Variants in CACNA1I observed in about 807,000 individuals in gnomAD.
CACNA1I encodes calcium voltage-gated channel subunit alpha1 I.
Under a neutral mutation model 201.6 loss-of-function variants are expected in CACNA1I, and 74 were observed. That is an observed-to-expected ratio of 0.37 (90% CI 0.30 to 0.45). CACNA1I has a LOEUF of 0.45. Ranked by LOEUF, CACNA1I falls within the 20% of genes least tolerant of loss-of-function variation. CACNA1I has a pLI of 1.00. For synonymous variants in CACNA1I, 1,431 were observed against 1,345.2 expected (o/e 1.06, Z -1.40); for missense variants, 2,346 against 3,138.1 (o/e 0.75, Z 6.03).
At chr22:39,606,692 C>T (rs1413917828) in intron 3 of CACNA1I, among the ~76,000 whole-genome samples, 6 of 152,158 alleles carry the variant, frequency 3.9e-5, no homozygotes, top group Admixed American at 6.5e-5. Flanking sequence ...GCCGCCATGC[C>T]GGCTAAGTTT....
At chr22:39,672,871 C>G in intron 27 of CACNA1I, 78 bp from the exon 28 acceptor site, 1 of 1,472,736 alleles carries the variant, frequency 6.8e-7, no homozygotes, top group Non-Finnish European at 9.2e-7. Context: ...ACCTGGGAGG[C>G]TCCCCCCACT....
intron 3 of CACNA1I, among the ~76,000 whole-genome samples, chr22:39,619,086 C>G (rs1050843454): frequency 6.6e-6 from 1 of 152,196 alleles, no homozygotes; most frequent in Non-Finnish European, 1.5e-5. Flanking sequence ...CCTTCATGCT[C>G]TAAGCCCTTG....
At chr22:39,620,957 C>T (rs1445721567) in intron 4 of CACNA1I, among the ~76,000 whole-genome samples, 2 of 152,064 alleles carry the variant, frequency 1.3e-5, no homozygotes, top group Middle Eastern at 3.2e-3. Flanking sequence ...GAGGTTTCAC[C>T]ATATTGGTCA....
Position 39,679,112 on chromosome 22 carries a change from G to A in CACNA1I, c.5061G>A (p.Thr1687=), listed in dbSNP as rs571761057. The change falls in exon 32 of 37, where the codon ACG becomes ACA. Residue 1687 remains threonine (T), a synonymous_variant. Coordinates refer to ENST00000402142, the MANE Select transcript of CACNA1I (RefSeq NM_021096.4). ...GDNWNGIMKD[T]LRDCTHDERS... The stretch of plus-strand genomic sequence containing the variant: ...CCGCCCTCCCTGCCACGCAGGACAC[G>A]CTGCGGGACTGCACCCACGACGAGC... 6.3e-6 allele frequency: 10 copies of A among 1,585,040 alleles called. No homozygotes were observed. Among genetic ancestry groups the A allele is most frequent in the Middle Eastern group, 1.7e-4 (1 of 6,028 alleles).
Position 39,662,443 on chromosome 22 carries a change from G to T in CACNA1I, c.3372+8G>T. ...GAGGAGGAAATCGACTACGTGAGTG[G>T]GGGCGGGGCCGAAGGGGACCTGGTG... On this transcript the variant is annotated splice_region_variant and intron_variant, in intron 17 of 36. Coordinates refer to ENST00000402142, the MANE Select transcript of CACNA1I (RefSeq NM_021096.4). 1 of 1,426,188 alleles carries T rather than the reference G, an allele frequency of 7.0e-7. No homozygotes were observed. Among genetic ancestry groups the T allele is most frequent in the South Asian group, 1.5e-5 (1 of 66,870 alleles). 88.3% of individuals were successfully genotyped at this position (1,426,188 alleles called of 1,614,324 possible). A position where few individuals can be genotyped will look rare whatever the true frequency, so the allele number is the denominator to read the frequency against.
rs1935953040 is a variant in CACNA1I, at chr22:39,688,655, G to A, written c.*2250G>A. The A allele has an allele frequency of 6.6e-6, 1 of 152,286 alleles. No individual in the cohort carries two copies. The allele number at this position is 152,286 out of a possible 1,614,324, so 9.4% of individuals were successfully genotyped here. A position where few individuals can be genotyped will look rare whatever the true frequency, so the allele number is the denominator to read the frequency against. On this transcript the variant is annotated 3_prime_UTR_variant, in exon 37 of 37. Coordinates refer to ENST00000402142, the MANE Select transcript of CACNA1I (RefSeq NM_021096.4). The surrounding 1 kb of genome is among the most constrained non-coding windows in gnomAD (Gnocchi z 4.8). ...GGTCATCTTGCGACTCCACTGAGCAGCCTTTCCTGTTGTCACATGGGTTCA... is the reference window on the plus strand; with the variant it reads ...GGTCATCTTGCGACTCCACTGAGCAACCTTTCCTGTTGTCACATGGGTTCA...
Position 39,629,344 on chromosome 22 carries a change from G to A in CACNA1I, c.581-5221G>A, listed in dbSNP as rs183769177. ...TGGAGCCCCACCCCCGCTGAAGGCC[G>A]CTCTGTGGCTCCAGGCCCCAAACCT... is the stretch of plus-strand genomic sequence containing the variant. On this transcript the variant is annotated intron_variant, in intron 4 of 36. Coordinates refer to ENST00000402142, the MANE Select transcript of CACNA1I (RefSeq NM_021096.4). This position sits in a 1 kb window ranked among gnomAD's most constrained non-coding sequence, Gnocchi z 4.8. Among the ~76,000 whole-genome samples, 32 of 152,148 alleles carry A rather than the reference G, an allele frequency of 2.1e-4. No homozygotes were observed. Among genetic ancestry groups the A allele is most frequent in the African/African-American group, 7.0e-4 (29 of 41,508 alleles).
chr22:39,644,393 G>A (rs924028858), intron 7 of CACNA1I, among the ~76,000 whole-genome samples: 6 of 152,232 alleles, frequency 3.9e-5, no homozygotes, highest in African/African-American at 1.4e-4. Flanking sequence ...AGAGCCTGAA[G>A]CCTGCATGTC....
Position 39,662,281 on chromosome 22 carries a change from C to T in CACNA1I, c.3218C>T (p.Ala1073Val). 2 of 1,515,154 alleles carry T rather than the reference C, an allele frequency of 1.3e-6. No individual in the cohort carries two copies. Among genetic ancestry groups the T allele is most frequent in the Non-Finnish European group, 1.8e-6 (2 of 1,136,908 alleles). The allele number at this position is 1,515,154 out of a possible 1,614,324, so 93.9% of individuals were successfully genotyped here. A position where few individuals can be genotyped will look rare whatever the true frequency, so the allele number is the denominator to read the frequency against. The change falls in exon 17 of 37, where the codon GCG (alanine) becomes GTG (valine). Residue 1073 changes from alanine (A) to valine (V), a missense_variant. This residue lies in a region of CACNA1I where 288 missense variants were observed against 255.2 expected (regional missense o/e 1.13). Coordinates refer to ENST00000402142, the MANE Select transcript of CACNA1I (RefSeq NM_021096.4). ...GTGGACCTGGCCGAGCTGGTGCCCG[C>T]GGTGGGCGCCCACCCCCGGGCCGCC... is the stretch of plus-strand genomic sequence containing the variant. ...DSVDLAELVP[A>V]VGAHPRAAWR... is the part of the protein sequence containing the mutation.
At chr22:39,615,415 G>A (rs1485210717) in intron 3 of CACNA1I, among the ~76,000 whole-genome samples, 5 of 152,160 alleles carry the variant, frequency 3.3e-5, no homozygotes, top group African/African-American at 1.2e-4. Flanking sequence ...AGGAAGCAAG[G>A]GGCAGGAGGG....
chr22:39,643,051 A>G lies in CACNA1I; in HGVS notation c.1149+162A>G, dbSNP rs76732944. 5.6e-3 allele frequency among the ~76,000 whole-genome samples: 856 copies of G among 152,276 alleles called. 4 individuals are homozygous for G. Among genetic ancestry groups the G allele is most frequent in the African/African-American group, 0.019 (792 of 41,548 alleles). ...GTTTCTCAGCACCACCGGGCAGCAG[A>G]TGATTGAAGGGGCTCATCAGGGGCG... On this transcript the variant is annotated intron_variant, in intron 7 of 36. Transcript: ENST00000402142.
At chr22:39,582,563 C>G (rs898987340) in intron 1 of CACNA1I, among the ~76,000 whole-genome samples, 7 of 152,052 alleles carry the variant, frequency 4.6e-5, no homozygotes, top group Non-Finnish European at 1.0e-4. Context: ...AAGTGTAGAA[C>G]AGTATGGAGT....
Position 39,677,934 on chromosome 22 carries a change from A to C in CACNA1I, c.4934-53A>C. ...AGGCGGGAGGCACCAGGTCAGGGTG[A>C]GCCCCGCAGGCACTCCGCCATCGGG... On this transcript the variant is annotated intron_variant, in intron 30 of 36. Coordinates refer to ENST00000402142, the MANE Select transcript of CACNA1I (RefSeq NM_021096.4). This position sits in a 1 kb window ranked among gnomAD's most constrained non-coding sequence, Gnocchi z 4.8. The C allele has an allele frequency of 6.5e-7, 1 of 1,527,314 alleles. No homozygotes were observed. The highest frequency in any genetic ancestry group is 8.8e-7 in the Non-Finnish European group (1 of 1,135,718). The allele number at this position is 1,527,314 out of a possible 1,614,324, so 94.6% of individuals were successfully genotyped here. A position where few individuals can be genotyped will look rare whatever the true frequency, so the allele number is the denominator to read the frequency against.
chr22:39,685,736 C>G lies in CACNA1I; in HGVS notation c.6028-25C>G. 1.4e-6 allele frequency: 2 copies of G among 1,433,552 alleles called. No individual in the cohort carries two copies. Among genetic ancestry groups the G allele is most frequent in the Non-Finnish European group, 1.8e-6 (2 of 1,103,116 alleles). 88.8% of individuals were successfully genotyped at this position (1,433,552 alleles called of 1,614,324 possible). On this transcript the variant is annotated intron_variant, in intron 36 of 36. Transcript: ENST00000402142. This position sits in a 1 kb window ranked among gnomAD's most constrained non-coding sequence, Gnocchi z 5.0. ...TGGGGTGGGGGCCGACACAGGCGGC[C>G]TCCACGGCTCCCACCTCCCCCCAGG...
At chr22:39,642,104 C>T (rs576135333) in intron 6 of CACNA1I, among the ~76,000 whole-genome samples, 1 of 152,244 alleles carries the variant, frequency 6.6e-6, no homozygotes, top group African/African-American at 2.4e-5. Context: ...CCTCTGCTGC[C>T]CTGTGCTGCC....
In CACNA1I at chr22:39,649,646, C is replaced by T; in HGVS notation, c.1713C>T (p.Asp571=). The T allele has an allele frequency of 2.0e-6, 3 of 1,524,668 alleles. No individual in the cohort carries two copies. The highest frequency in any genetic ancestry group is 2.6e-6 in the Non-Finnish European group (3 of 1,133,902). The allele number at this position is 1,524,668 out of a possible 1,614,324, so 94.4% of individuals were successfully genotyped here. The part of the protein sequence containing the change: ...GRRPSGLGST[D]SGQEGSGSGS... Reference sequence around the variant, plus strand: ...GGCCCTCGGGCCTGGGCAGCACCGACTCGGGCCAGGAGGGCTCGGGCTCCG... The same window carrying T: ...GGCCCTCGGGCCTGGGCAGCACCGATTCGGGCCAGGAGGGCTCGGGCTCCG... Residue 571 remains aspartate (D), a synonymous_variant, in exon 10 of 37, where the codon GAC becomes GAT. Coordinates refer to ENST00000402142, the MANE Select transcript of CACNA1I (RefSeq NM_021096.4). The surrounding 1 kb of genome is among the most constrained non-coding windows in gnomAD (Gnocchi z 7.3).
At chr22:39,598,000 A>G in intron 1 of CACNA1I, 151 bp from the exon 2 acceptor site, 1 of 630,526 alleles carries the variant, frequency 1.6e-6, no homozygotes, top group Non-Finnish European at 2.9e-6. Context: ...ACGGGCTTTG[A>G]GCTGTTTCAG....
At chr22:39,670,413 T>C (rs4821909) in intron 25 of CACNA1I, among the ~76,000 whole-genome samples, 183 bp downstream of exon 25, 81,023 of 152,056 alleles carry the variant, frequency 0.53, 22,449 homozygotes, top group East Asian at 0.96. Flanking sequence ...TCAGTGTCCA[T>C]CCAGAGTCCA....
chr22:39,659,631 A>G lies in CACNA1I; in HGVS notation c.2449-66A>G. The G allele has an allele frequency of 6.2e-7, 1 of 1,605,306 alleles. No homozygotes were observed. Among genetic ancestry groups the G allele is most frequent in the Non-Finnish European group, 8.5e-7 (1 of 1,172,552 alleles). On this transcript the variant is annotated intron_variant, in intron 13 of 36. Transcript: ENST00000402142. This position sits in a 1 kb window ranked among gnomAD's most constrained non-coding sequence, Gnocchi z 4.3. ...GGGAGGGGCGGGGCTGACAACTCCC[A>G]TGCCTCCTTGTAGAGCCTAGCCCTG...
Sources: allele counts gnomAD v4.1 joint callset (sites outside exome capture counted in the v4.1 genomes callset), GRCh38; gene constraint gnomAD v4.1.1; regional missense constraint gnomAD v4.1.1; non-coding constraint Gnocchi (gnomAD v3.1); transcripts MANE v1.5; gene names NCBI Gene and HGNC (gene_info 2026-07-23, HGNC 2026-07-21).